The following CTDSPL variants were observed in gnomAD, a reference collection of about 807,000 sequenced individuals.
CTDSPL encodes the protein CTD small phosphatase-like protein.
In CTDSPL, 8 loss-of-function variants were observed where a neutral mutation model predicts 30.5. That is an observed-to-expected ratio of 0.26 (90% CI 0.15 to 0.47). The LOEUF (loss-of-function observed/expected upper bound fraction) is 0.47. CTDSPL is among the 20% of genes least tolerant of loss of function. The pLI, the probability that CTDSPL is intolerant of heterozygous loss-of-function variation, is 0.99. For synonymous variants in CTDSPL, 110 were observed against 137.9 expected (o/e 0.80, Z 1.42); for missense variants, 248 against 366.1 (o/e 0.68, Z 2.63).
Position 37,944,449 on chromosome 3 carries a change from C to A in CTDSPL, c.80-2608C>A, listed in dbSNP as rs1229824139. ...TACCAGTTTATGAGCAAATCAAGGA[C>A]CTTCTGGATGATAGCTGGGGGAGAG... is the stretch of plus-strand genomic sequence containing the variant. On this transcript the variant is annotated intron_variant, in intron 1 of 7. Coordinates refer to ENST00000273179, the MANE Select transcript of CTDSPL (RefSeq NM_001008392.2). Among the ~76,000 whole-genome samples, 21 of 150,338 alleles carry A rather than the reference C, an allele frequency of 1.4e-4. 1 individual carries two copies. The highest frequency in any genetic ancestry group is 3.0e-5 in the Non-Finnish European group (2 of 67,086).
At chr3:37,921,122 A>T (rs1263781634) in intron 1 of CTDSPL, among the ~76,000 whole-genome samples, 1 of 152,238 alleles carries the variant, frequency 6.6e-6, no homozygotes, top group Admixed American at 6.5e-5. Flanking sequence ...CAGTTTTCCT[A>T]GTACTTTCTT....
chr3:37,922,348 C>T (rs922223667), intron 1 of CTDSPL, among the ~76,000 whole-genome samples: 1 of 152,122 alleles, frequency 6.6e-6, no homozygotes, highest in Non-Finnish European at 1.5e-5. Flanking sequence ...AAACAGAAGG[C>T]TTGCAGTGCT....
intron 1 of CTDSPL, among the ~76,000 whole-genome samples, chr3:37,864,839 G>C (rs1190345406): frequency 2.6e-5 from 4 of 151,954 alleles, no homozygotes; most frequent in Admixed American, 6.6e-5. Context: ...AAATATTTAA[G>C]TTTTATAATA....
intron 4 of CTDSPL, among the ~76,000 whole-genome samples, chr3:37,966,926 A>G (rs1699305409): frequency 6.6e-6 from 1 of 152,152 alleles, no homozygotes. Flanking sequence ...GGGCCTGTTC[A>G]TTTAAGTAGT....
intron 4 of CTDSPL, among the ~76,000 whole-genome samples, chr3:37,967,039 A>G (rs1473933157): frequency 6.6e-6 from 1 of 152,254 alleles, no homozygotes. Context: ...AATGTCATTA[A>G]TATTGTCAAA....
At chr3:37,963,692 G>C in intron 3 of CTDSPL, among the ~76,000 whole-genome samples, 1 of 152,148 alleles carries the variant, frequency 6.6e-6, no homozygotes, top group South Asian at 2.1e-4. Context: ...AGGTTGGCCA[G>C]AGATACCTAG....
At chr3:37,899,560 CTGAT>C (rs1698425893) in intron 1 of CTDSPL, among the ~76,000 whole-genome samples, 1 of 152,174 alleles carries the variant, frequency 6.6e-6, no homozygotes, top group Non-Finnish European at 1.5e-5. Flanking sequence ...AACTGAGAGA[CTGAT>C]GATGTGGTGG....
intron 1 of CTDSPL, among the ~76,000 whole-genome samples, chr3:37,871,195 C>T (rs1184123131): frequency 6.6e-6 from 1 of 152,180 alleles, no homozygotes; most frequent in Non-Finnish European, 1.5e-5. Context: ...ACGTCATATA[C>T]TTGGAATCAT....
At chr3:37,878,095 T>G (rs1008161704) in intron 1 of CTDSPL, among the ~76,000 whole-genome samples, 3 of 152,202 alleles carry the variant, frequency 2.0e-5, no homozygotes, top group Non-Finnish European at 4.4e-5. Context: ...ACTTGTTATC[T>G]TCTGTTTTTG....
At chr3:37,881,235 A>T (rs1043578037) in intron 1 of CTDSPL, among the ~76,000 whole-genome samples, 1 of 152,146 alleles carries the variant, frequency 6.6e-6, no homozygotes, top group Non-Finnish European at 1.5e-5. Flanking sequence ...GATCATATAA[A>T]TACAAAATCC....
At chr3:37,866,458 T>G (rs1263162710) in intron 1 of CTDSPL, among the ~76,000 whole-genome samples, 1 of 152,166 alleles carries the variant, frequency 6.6e-6, no homozygotes, top group Admixed American at 6.5e-5. Flanking sequence ...GAGAGGAAAC[T>G]TTGCCTTTTG....
intron 1 of CTDSPL, among the ~76,000 whole-genome samples, chr3:37,924,926 C>T (rs959538249): frequency 2.6e-5 from 4 of 152,168 alleles, no homozygotes; most frequent in Non-Finnish European, 4.4e-5. Flanking sequence ...GCACAGCTCT[C>T]ATCCTGTCCC....
intron 3 of CTDSPL, among the ~76,000 whole-genome samples, chr3:37,960,162 A>C (rs1415051574): frequency 6.6e-6 from 1 of 151,640 alleles, no homozygotes; most frequent in African/African-American, 2.4e-5. Context: ...CCTGACCAAC[A>C]TGGAGAAACC....
At chr3:37,928,188 C>G (rs1698807446) in intron 1 of CTDSPL, among the ~76,000 whole-genome samples, 2 of 152,142 alleles carry the variant, frequency 1.3e-5, no homozygotes, top group Admixed American at 1.3e-4. Context: ...CTGCAGTGAA[C>G]ATGGAGTACA....
intron 3 of CTDSPL, among the ~76,000 whole-genome samples, chr3:37,961,630 A>T (rs1489700645): frequency 6.6e-6 from 1 of 152,172 alleles, no homozygotes; most frequent in East Asian, 1.9e-4. Flanking sequence ...CTTTCCACGA[A>T]AACATTATGA....
chr3:37,919,140 T>G (rs1335399515), intron 1 of CTDSPL, among the ~76,000 whole-genome samples: 1 of 152,174 alleles, frequency 6.6e-6, no homozygotes, highest in Non-Finnish European at 1.5e-5. Flanking sequence ...CTTTTCAGTT[T>G]GTGTTTTATA....
chr3:37,952,458 A>G (rs893338942), intron 2 of CTDSPL, among the ~76,000 whole-genome samples: 1 of 152,176 alleles, frequency 6.6e-6, no homozygotes, highest in African/African-American at 2.4e-5. Flanking sequence ...CAAGCTTCAG[A>G]TATTGTTTCC....
intron 3 of CTDSPL, among the ~76,000 whole-genome samples, chr3:37,960,506 ATATAT>A (rs1207779993): frequency 1.5e-4 from 4 of 26,540 alleles, no homozygotes; most frequent in Admixed American, 7.1e-4. Flanking sequence ...AAAAAAAAAA[ATATAT>A]ATATATATAT....
chr3:37,956,578 C>T (rs1405830448), intron 2 of CTDSPL, among the ~76,000 whole-genome samples: 1 of 152,140 alleles, frequency 6.6e-6, no homozygotes. Flanking sequence ...GGAAAGCTAT[C>T]CCCTTGTCTG....
Sources: allele counts gnomAD v4.1 joint callset (sites outside exome capture counted in the v4.1 genomes callset), GRCh38; gene constraint gnomAD v4.1.1; transcripts MANE v1.5; gene names NCBI Gene and HGNC (gene_info 2026-07-23, HGNC 2026-07-21).